The following PRDM4 variants were observed in gnomAD, a reference collection of about 807,000 sequenced individuals.
PRDM4 encodes the protein PR domain zinc finger protein 4.
In PRDM4, 38 loss-of-function variants were observed where a neutral mutation model predicts 62.3. The observed-to-expected ratio is 0.61, with a 90% confidence interval of 0.47 to 0.80. The LOEUF is 0.80. Among genes scored for constraint, PRDM4 ranks in the 30% least tolerant of loss-of-function variants. The probability of loss-of-function intolerance (pLI) is 0.00; values close to 1 mark genes in which losing one functional copy is unlikely to be tolerated. For synonymous variants in PRDM4, 339 were observed against 348.2 expected (o/e 0.97, Z 0.30); for missense variants, 858 against 997.1 (o/e 0.86, Z 1.88).
chr12:107,734,328 T>A lies in PRDM4; in HGVS notation c.2288A>T (p.Glu763Val). ...KGPTSSSSAPEEEEEDDSEEE... is the reference protein window; with the variant it reads ...KGPTSSSSAPVEEEEDDSEEE... ...TTCTGAGTCATCCTCTTCTTCCTCC[T>A]CTGGTGCTGACGAACTGGAGGTGGG... Residue 763 changes from glutamate to valine, a missense_variant, in exon 12 of 12, where the codon GAG becomes GTG. Physicochemically the swap from Glu to Val is moderately radical, Grantham distance 121. This residue lies in a region of PRDM4 where 355 missense variants were observed against 432.6 expected (regional missense o/e 0.82). Coordinates refer to ENST00000228437, the MANE Select transcript of PRDM4 (RefSeq NM_012406.4). 2 of 1,614,218 alleles carry A rather than the reference T, an allele frequency of 1.2e-6. No homozygotes were observed. The highest frequency in any genetic ancestry group is 1.7e-6 in the Non-Finnish European group (2 of 1,180,034).
Position 107,755,330 on chromosome 12 carries a change from T to C in PRDM4, c.146-1221A>G, listed in dbSNP as rs150581972. 2.0e-3 allele frequency among the ~76,000 whole-genome samples: 310 copies of C among 152,176 alleles called. 3 individuals are homozygous for C. The highest frequency in any genetic ancestry group is 7.2e-3 in the African/African-American group (300 of 41,504). ...CTAGGCTGATCTTGAACTCCTGGGCTCAAGTGATCCTCCTGCCTTGGCCTC... is the reference window on the plus strand; with the variant it reads ...CTAGGCTGATCTTGAACTCCTGGGCCCAAGTGATCCTCCTGCCTTGGCCTC... On this transcript the variant is annotated intron_variant, in intron 3 of 11. Transcript: ENST00000228437.
chr12:107,760,335 G>C (rs1184753047), intron 2 of PRDM4, among the ~76,000 whole-genome samples, 170 bp downstream of exon 2: 1 of 152,190 alleles, frequency 6.6e-6, no homozygotes, highest in Admixed American at 6.5e-5. Context: ...GAGTAAATTA[G>C]GATGCATGAG....
chr12:107,753,930 G>A lies in PRDM4; in HGVS notation c.325C>T (p.Leu109=), dbSNP rs1890981288. 1 of 1,612,788 alleles carries A rather than the reference G, an allele frequency of 6.2e-7. No homozygotes were observed. The highest frequency in any genetic ancestry group is 1.1e-5 in the South Asian group (1 of 90,772). ...HLESSYFRTI[L]PGILSYLADR... ...AAGTAACTGTAACACTTACCAGGTA[G>A]AATGGTTCTGAAATAACTGCTCTCC... The change falls in exon 4 of 12, where the codon CTA becomes TTA. Residue 109 remains leucine, a synonymous_variant. Transcript: ENST00000228437.
At chr12:107,737,274 A>C (rs1393494368) in intron 11 of PRDM4, among the ~76,000 whole-genome samples, 1 of 152,160 alleles carries the variant, frequency 6.6e-6, no homozygotes, top group African/African-American at 2.4e-5. Context: ...TAATACTACT[A>C]TATCCACTTT....
chr12:107,746,302 G>A lies in PRDM4; in HGVS notation c.1249C>T (p.Arg417Cys), dbSNP rs747449921. The A allele has an allele frequency of 1.2e-5, 19 of 1,613,742 alleles. No individual in the cohort carries two copies. The highest frequency in any genetic ancestry group is 1.7e-5 in the Admixed American group (1 of 59,944). Residue 417 changes from arginine to cysteine, a missense_variant, in exon 6 of 12, where the codon CGT becomes TGT. Arg to Cys is a radical substitution (Grantham distance 180, BLOSUM62 -3). This residue lies in a region of PRDM4 where 499 missense variants were observed against 546.7 expected (regional missense o/e 0.91). Coordinates refer to ENST00000228437, the MANE Select transcript of PRDM4 (RefSeq NM_012406.4). ...RLSLPKQLVL[R>C]QSIVGAEVGV... is the part of the protein sequence containing the mutation. ...ACTTCTGCTCCCACAATTGACTGAC[G>A]GAGAACAAGCTGCTTTGGGAGAGAA...
chr12:107,754,698 C>T (rs1401200725), intron 3 of PRDM4: 1 of 151,978 alleles, frequency 6.6e-6, no homozygotes, highest in African/African-American at 2.4e-5. Flanking sequence ...GAATTAAAAA[C>T]CGAGTTTAAA....
intron 11 of PRDM4, among the ~76,000 whole-genome samples, chr12:107,734,969 C>A (rs947277673): frequency 1.3e-5 from 2 of 152,148 alleles, no homozygotes; most frequent in East Asian, 3.9e-4. Context: ...AGTGCTAGAA[C>A]GTTTTTAAAT....
Position 107,751,931 on chromosome 12 carries a change from T to A in PRDM4, c.610A>T (p.Ile204Phe), listed in dbSNP as rs140724736. Residue 204 changes from isoleucine to phenylalanine, a missense_variant, in exon 5 of 12, where the codon ATT (isoleucine) becomes TTT (phenylalanine). Coordinates refer to ENST00000228437, the MANE Select transcript of PRDM4 (RefSeq NM_012406.4). ...MENVSRVTSP[I>F]STDGMAEELT... ...TCCTCTGCCATTCCATCTGTCGAAA[T>A]TGGGCTGGTAACCCTAGAAACGTTC... 63 of 1,614,138 alleles carry A rather than the reference T, an allele frequency of 3.9e-5. No homozygotes were observed. The highest frequency in any genetic ancestry group is 5.3e-5 in the Non-Finnish European group (62 of 1,180,052).
intron 5 of PRDM4, among the ~76,000 whole-genome samples, chr12:107,750,999 A>G (rs1890873363): frequency 6.6e-6 from 1 of 152,176 alleles, no homozygotes; most frequent in African/African-American, 2.4e-5. Flanking sequence ...GGGCTCAAGC[A>G]ACCCTCTTCC....
At chr12:107,740,329 A>G (rs554647073) in intron 10 of PRDM4, among the ~76,000 whole-genome samples, 1 of 152,148 alleles carries the variant, frequency 6.6e-6, no homozygotes, top group South Asian at 2.1e-4. Flanking sequence ...TATATTAAAA[A>G]TACAAAAATT....
intron 5 of PRDM4, among the ~76,000 whole-genome samples, chr12:107,747,230 A>G (rs776831605): frequency 3.9e-5 from 6 of 152,150 alleles, no homozygotes; most frequent in Admixed American, 1.3e-4. Flanking sequence ...ATGATGCCCT[A>G]AAGTCCAAAA....
intron 7 of PRDM4, 136 bp downstream of exon 7, chr12:107,744,407 T>A (rs1338905819): frequency 2.0e-6 from 2 of 990,388 alleles, no homozygotes; most frequent in Non-Finnish European, 1.4e-6. Flanking sequence ...TTTAAAAAAA[T>A]GTACGTGAAA....
At chr12:107,752,886 T>C (rs578004867) in intron 4 of PRDM4, among the ~76,000 whole-genome samples, 2 of 152,296 alleles carry the variant, frequency 1.3e-5, no homozygotes, top group Non-Finnish European at 2.9e-5. Flanking sequence ...TTAGTTACAA[T>C]GGTAATAAAA....
rs779386897 is a variant in PRDM4 at position 107,741,234 on chromosome 12, G to A, written c.1636C>T (p.Leu546Phe). Residue 546 changes from leucine (L) to phenylalanine (F), a missense_variant, in exon 10 of 12, where the codon CTC (leucine) becomes TTC (phenylalanine). Coordinates refer to ENST00000228437, the MANE Select transcript of PRDM4 (RefSeq NM_012406.4). ...IGVPEHPDVH[L>F]CNCGKECNSY... is the part of the protein sequence containing the mutation. Reference sequence around the variant, plus strand: ...TTGCACTCCTTGCCACAGTTACAGAGATGCACATCTGGGTGTTCAGGAACA... The same window carrying A: ...TTGCACTCCTTGCCACAGTTACAGAAATGCACATCTGGGTGTTCAGGAACA... 1.9e-6 allele frequency: 3 copies of A among 1,612,534 alleles called. No individual in the cohort carries two copies. In the South Asian group the frequency reaches 3.3e-5, roughly 18 times the overall value.
chr12:107,737,727 A>G (rs1214105035), intron 11 of PRDM4, among the ~76,000 whole-genome samples: 1 of 152,198 alleles, frequency 6.6e-6, no homozygotes, highest in Non-Finnish European at 1.5e-5. Flanking sequence ...TACCAAGGCC[A>G]GAGCTCTAAC....
intron 5 of PRDM4, among the ~76,000 whole-genome samples, chr12:107,748,833 C>T (rs1002301862): frequency 3.3e-5 from 5 of 152,148 alleles, no homozygotes; most frequent in Non-Finnish European, 7.3e-5. Flanking sequence ...AATTATATCT[C>T]ATTATAAACC....
chr12:107,742,555 T>C, intron 8 of PRDM4: 2 of 563,734 alleles, frequency 3.5e-6, no homozygotes, highest in Non-Finnish European at 6.2e-6. Flanking sequence ...GCTGATGACC[T>C]TTTGTAGTCA....
rs571782570 is a variant in PRDM4, at chr12:107,742,210, T to A, written c.1609+11A>T. 6.2e-7 allele frequency: 1 copy of A among 1,610,762 alleles called. No individual in the cohort carries two copies. The highest frequency in any genetic ancestry group is 1.7e-5 in the Admixed American group (1 of 59,538). ...CTAAGCCAGATTCATTATAAACACA[T>A]ATTAACTTACCAATCTGTTGAGCAT... On this transcript the variant is annotated intron_variant, in intron 9 of 11. Coordinates refer to ENST00000228437, the MANE Select transcript of PRDM4 (RefSeq NM_012406.4).
chr12:107,737,703 G>GGA lies in PRDM4; in HGVS notation c.2093+1678_2093+1679dup, dbSNP rs368683559. Among the ~76,000 whole-genome samples the GGA allele has an allele frequency of 1.9e-3, 296 of 152,270 alleles. 1 individual carries two copies. Among genetic ancestry groups the GGA allele is most frequent in the African/African-American group, 6.8e-3 (283 of 41,548 alleles). ...CTGGCTGGCCACGAGAATCACTTGG[G>GGA]GAGCTTTTTAAAATACCAAGGCCAG... On this transcript the variant is annotated intron_variant, in intron 11 of 11. Transcript: ENST00000228437.
Sources: allele counts gnomAD v4.1 joint callset (sites outside exome capture counted in the v4.1 genomes callset), GRCh38; gene constraint gnomAD v4.1.1; regional missense constraint gnomAD v4.1.1; transcripts MANE v1.5; gene names NCBI Gene and HGNC (gene_info 2026-07-23, HGNC 2026-07-21).